Variants in CRTAM observed in about 807,000 individuals in gnomAD.
CRTAM encodes cytotoxic and regulatory T cell molecule.
In CRTAM, 44 loss-of-function variants were observed where a neutral mutation model predicts 50.0. That is an observed-to-expected ratio of 0.88 (90% CI 0.69 to 1.13). The LOEUF is 1.13. CRTAM is among the 50% of genes most tolerant of loss of function. The pLI, the probability that CRTAM is intolerant of heterozygous loss-of-function variation, is 0.00. For synonymous variants in CRTAM, 159 were observed against 169.3 expected (o/e 0.94, Z 0.47); for missense variants, 448 against 457.5 (o/e 0.98, Z 0.19).
At chr11:122,861,341 C>T (rs184415726) in intron 5 of CRTAM, among the ~76,000 whole-genome samples, 4 of 114,162 alleles carry the variant, frequency 3.5e-5, no homozygotes, top group African/African-American at 6.7e-5. Flanking sequence ...CCACCTGTGA[C>T]GTGTCAGTAT....
intron 5 of CRTAM, chr11:122,862,229 C>T (rs1389065371): frequency 5.6e-6 from 3 of 535,138 alleles, no homozygotes; most frequent in Non-Finnish European, 1.0e-5. Context: ...ACCACTGCCA[C>T]CACACAGAGG....
At chr11:122,841,171 T>G (rs1305384724) in intron 1 of CRTAM, among the ~76,000 whole-genome samples, 4 of 152,218 alleles carry the variant, frequency 2.6e-5, no homozygotes. Flanking sequence ...CAATTTTCTC[T>G]ATTGATTCAA....
chr11:122,840,803 G>GA (rs113375065), intron 1 of CRTAM, among the ~76,000 whole-genome samples: 35 of 144,566 alleles, frequency 2.4e-4, no homozygotes, highest in South Asian at 6.6e-4. Context: ...AAAATTTATG[G>GA]AAAAAAAAAA....
intron 1 of CRTAM, among the ~76,000 whole-genome samples, chr11:122,846,689 T>C (rs745929882): frequency 6.6e-6 from 1 of 152,172 alleles, no homozygotes; most frequent in Non-Finnish European, 1.5e-5. Context: ...ATGAACTGAG[T>C]GGTATGATTA....
At chr11:122,860,932 A>G (rs1862063527) in intron 5 of CRTAM, among the ~76,000 whole-genome samples, 1 of 152,136 alleles carries the variant, frequency 6.6e-6, no homozygotes, top group Non-Finnish European at 1.5e-5. Context: ...CCTGGGCTTA[A>G]GCAATCTGCC....
chr11:122,840,476 A>C (rs1341095350), intron 1 of CRTAM, among the ~76,000 whole-genome samples: 1 of 152,134 alleles, frequency 6.6e-6, no homozygotes, highest in Non-Finnish European at 1.5e-5. Context: ...ATGTGGATCA[A>C]AAGTTGGAAA....
At chr11:122,859,060 A>T (rs550977450) in intron 5 of CRTAM, among the ~76,000 whole-genome samples, 1 of 152,330 alleles carries the variant, frequency 6.6e-6, no homozygotes, top group South Asian at 2.1e-4. Context: ...TGTATCTGTC[A>T]ATTTATTTTA....
intron 4 of CRTAM, among the ~76,000 whole-genome samples, chr11:122,855,074 G>C (rs1861987792): frequency 6.6e-6 from 1 of 152,110 alleles, no homozygotes; most frequent in Non-Finnish European, 1.5e-5. Flanking sequence ...TTCTGGAGTA[G>C]CTGGGATTAC....
intron 5 of CRTAM, among the ~76,000 whole-genome samples, chr11:122,858,751 C>T (rs1276242203): frequency 6.6e-6 from 1 of 152,154 alleles, no homozygotes; most frequent in Non-Finnish European, 1.5e-5. Flanking sequence ...CTGGTCTGAA[C>T]TCCTGGGCTT....
intron 1 of CRTAM, among the ~76,000 whole-genome samples, chr11:122,847,931 G>T (rs144628200): frequency 6.6e-6 from 1 of 152,344 alleles, no homozygotes; most frequent in Non-Finnish European, 1.5e-5. Flanking sequence ...GGAAGTCTTT[G>T]AAAGTGAGAT....
chr11:122,858,250 G>A (rs749358836), intron 5 of CRTAM, among the ~76,000 whole-genome samples: 5 of 151,810 alleles, frequency 3.3e-5, no homozygotes, highest in South Asian at 2.1e-4. Flanking sequence ...TTCTTGAGAC[G>A]GTCTCACTCT....
At chr11:122,854,399 A>G (rs1209007020) in intron 4 of CRTAM, among the ~76,000 whole-genome samples, 5 of 152,226 alleles carry the variant, frequency 3.3e-5, no homozygotes, top group African/African-American at 7.2e-5. Flanking sequence ...CAGGCGAGGC[A>G]CAATGGCTCA....
At chr11:122,857,860 A>C (rs927435589) in intron 5 of CRTAM, among the ~76,000 whole-genome samples, 49 of 152,302 alleles carry the variant, frequency 3.2e-4, no homozygotes, top group African/African-American at 1.2e-3. Flanking sequence ...GCTTCGAGAA[A>C]GAGAGTAGAG....
intron 1 of CRTAM, among the ~76,000 whole-genome samples, chr11:122,847,620 A>G (rs560661352): frequency 6.6e-6 from 1 of 152,312 alleles, no homozygotes; most frequent in South Asian, 2.1e-4. Context: ...GCTTAATAGA[A>G]CAAGGAAGTC....
At chr11:122,870,639 T>C (rs994237707) in intron 9 of CRTAM, among the ~76,000 whole-genome samples, 1 of 152,186 alleles carries the variant, frequency 6.6e-6, no homozygotes, top group African/African-American at 2.4e-5. Context: ...CCGACCCTAT[T>C]TTTGCAGTAA....
At chr11:122,864,467 G>T in intron 6 of CRTAM, 169 bp from the exon 7 acceptor site, 1 of 557,084 alleles carries the variant, frequency 1.8e-6, no homozygotes, top group South Asian at 2.4e-5. Context: ...AGTGAGCCTA[G>T]CCATTTGCAA....
At chr11:122,840,581 C>T (rs1170982297) in intron 1 of CRTAM, among the ~76,000 whole-genome samples, 2 of 152,164 alleles carry the variant, frequency 1.3e-5, no homozygotes, top group African/African-American at 4.8e-5. Flanking sequence ...AGCTCAATGG[C>T]ATTTGAGCAG....
intron 9 of CRTAM, among the ~76,000 whole-genome samples, chr11:122,868,420 C>G (rs1349607920): frequency 6.6e-6 from 1 of 151,966 alleles, no homozygotes; most frequent in East Asian, 1.9e-4. Flanking sequence ...TAGGGAGTCT[C>G]GAGTTCTGCT....
rs35830458 is a variant in CRTAM at position 122,854,661 on chromosome 11, C to CAAA, written c.490+587_490+589dup. 1.7e-3 allele frequency among the ~76,000 whole-genome samples: 213 copies of CAAA among 127,762 alleles called. 2 individuals are homozygous for CAAA. The highest frequency in any genetic ancestry group is 3.4e-3 in the East Asian group (15 of 4,422). The allele number at this position is 127,762 out of a possible 152,430, so 83.8% of individuals were successfully genotyped here. A position where few individuals can be genotyped will look rare whatever the true frequency, so the allele number is the denominator to read the frequency against. Reference sequence around the variant, plus strand: ...CTGGGCAACAGGAGCAAAATTCTATCAAAAAAAAAAAAAAGAAGAAGTATA... The same window carrying CAAA: ...CTGGGCAACAGGAGCAAAATTCTATCAAAAAAAAAAAAAAAAAGAAGAAGTATA... On this transcript the variant is annotated intron_variant, in intron 4 of 9. Transcript: ENST00000227348.
Sources: allele counts gnomAD v4.1 joint callset (sites outside exome capture counted in the v4.1 genomes callset), GRCh38; gene constraint gnomAD v4.1.1; transcripts MANE v1.5; gene names NCBI Gene and HGNC (gene_info 2026-07-23, HGNC 2026-07-21).